Variants in PFKP observed in about 807,000 individuals in gnomAD.
PFKP encodes ATP-dependent 6-phosphofructokinase, platelet type.
A neutral mutation model predicts 94.3 loss-of-function variants in PFKP; 101 were observed. The observed-to-expected ratio is 1.07, with a 90% confidence interval of 0.91 to 1.26. The LOEUF (loss-of-function observed/expected upper bound fraction) is 1.26. Ranked by LOEUF, PFKP falls within the 50% of genes most tolerant of loss-of-function variation. PFKP has a pLI of 0.00. For synonymous variants in PFKP, 573 were observed against 432.6 expected, an observed-to-expected ratio of 1.32 and a Z score of -4.03; for missense variants, 1,145 against 1,103.3, an observed-to-expected ratio of 1.04 and a Z score of -0.53.
At chr10:3,083,385 G>GA (rs1431882675) in intron 2 of PFKP, among the ~76,000 whole-genome samples, 2 of 142,972 alleles carry the variant, frequency 1.4e-5, no homozygotes, top group Admixed American at 1.4e-4. Flanking sequence ...AAATTATTAG[G>GA]AAAAATATTT....
chr10:3,073,964 A>G (rs1047988305), intron 1 of PFKP, among the ~76,000 whole-genome samples: 6 of 152,078 alleles, frequency 3.9e-5, no homozygotes, highest in African/African-American at 1.4e-4. Context: ...CAGCCTCCCA[A>G]GTAGCTGGGA....
Position 3,136,473 on chromosome 10 carries a change from G to A in PFKP, c.2249G>A (p.Trp750Ter). ...DFEHRIPKEQ[W>*]WLKLRPLMKI... is the part of the protein sequence containing the mutation. ...AGGCACAGGATTCCCAAAGAACAGT[G>A]GTGGCTCAAGCTACGGCCCCTCATG... Residue 750 changes from tryptophan (W) to a stop codon, truncating the protein, a stop_gained, in exon 22 of 22, where the codon TGG becomes TAG. Transcript: ENST00000381125. LOFTEE classifies it low-confidence loss of function (END_TRUNC). 5 of 1,613,612 alleles carry A rather than the reference G, an allele frequency of 3.1e-6. No homozygotes were observed. The highest frequency in any genetic ancestry group is 4.2e-6 in the Non-Finnish European group (5 of 1,179,722).
At chr10:3,119,268 C>T (rs1837146445) in intron 15 of PFKP, among the ~76,000 whole-genome samples, 1 of 152,082 alleles carries the variant, frequency 6.6e-6, no homozygotes, top group African/African-American at 2.4e-5. Flanking sequence ...TTTTTCTATT[C>T]ATGAAGATTA....
At position 3,082,407 on chromosome 10, in the gene PFKP, T is replaced by A. The variant is rs1287109271; in HGVS notation, c.132T>A (p.Arg44=). The change falls in exon 2 of 22, where the codon CGT becomes CGA. Residue 44 remains arginine, a synonymous_variant. Transcript: ENST00000381125. ...CTGCAGGTATGAACGCTGCCGTCCGTGCCGTGGTGCGCATGGGTATCTACG... is the reference window on the plus strand; with the variant it reads ...CTGCAGGTATGAACGCTGCCGTCCGAGCCGTGGTGCGCATGGGTATCTACG... ...GDAQGMNAAV[R]AVVRMGIYVG... is the part of the protein sequence containing the mutation. 3 of 1,607,496 alleles carry A rather than the reference T, an allele frequency of 1.9e-6. No individual in the cohort carries two copies. Among genetic ancestry groups the A allele is most frequent in the South Asian group, 1.1e-5 (1 of 90,518 alleles).
At chr10:3,087,083 C>T (rs1267438741) in intron 2 of PFKP, among the ~76,000 whole-genome samples, 1 of 152,168 alleles carries the variant, frequency 6.6e-6, no homozygotes, top group Non-Finnish European at 1.5e-5. Flanking sequence ...AGCGATTCTC[C>T]TGCCTCAGCC....
Position 3,082,441 on chromosome 10 carries a change from A to G in PFKP, c.166A>G (p.Lys56Glu), listed in dbSNP as rs768695654. Residue 56 changes from lysine (K) to glutamate (E), a missense_variant, in exon 2 of 22, where the codon AAG (lysine) becomes GAG (glutamate). Physicochemically the swap from Lys to Glu is moderately conservative, Grantham distance 56. This residue lies in a region of PFKP where 1,119 missense variants were observed against 1,062.8 expected (regional missense o/e 1.05). Coordinates refer to ENST00000381125, the MANE Select transcript of PFKP (RefSeq NM_002627.5). ...GCGCATGGGTATCTACGTGGGGGCCAAGGTGTACTTCATCTACGAGGTCAG... is the reference window on the plus strand; with the variant it reads ...GCGCATGGGTATCTACGTGGGGGCCGAGGTGTACTTCATCTACGAGGTCAG... ...VVRMGIYVGA[K>E]VYFIYEGYQG... The G allele has an allele frequency of 1.2e-6, 2 of 1,607,564 alleles. No homozygotes were observed. The highest frequency in any genetic ancestry group is 1.7e-5 in the Admixed American group (1 of 59,692).
intron 2 of PFKP, among the ~76,000 whole-genome samples, chr10:3,084,785 A>T: frequency 9.4e-6 from 1 of 106,190 alleles, no homozygotes. Context: ...CCCCCTCCCC[A>T]GGAGAGTCCT....
intron 19 of PFKP, among the ~76,000 whole-genome samples, chr10:3,133,996 A>C (rs1439590596): frequency 2.0e-5 from 3 of 152,226 alleles, no homozygotes; most frequent in Admixed American, 2.0e-4. Context: ...ACACAGGCAC[A>C]CACGTGTTAT....
At chr10:3,082,146 T>A (rs1564270955) in intron 1 of PFKP, among the ~76,000 whole-genome samples, 1 of 152,122 alleles carries the variant, frequency 6.6e-6, no homozygotes, top group Non-Finnish European at 1.5e-5. Flanking sequence ...TACAAATTCG[T>A]ACCAAGTCCA....
At chr10:3,105,676 G>A (rs1835471809) in intron 7 of PFKP, among the ~76,000 whole-genome samples, 175 bp downstream of exon 7, 1 of 152,190 alleles carries the variant, frequency 6.6e-6, no homozygotes, top group Non-Finnish European at 1.5e-5. Flanking sequence ...CCTCTATGAA[G>A]GCTGAGACTC....
intron 21 of PFKP, 28 bp downstream of exon 21, chr10:3,135,866 T>TAAGACCCCAATGTGAGTACG (rs1343350998): frequency 2.2e-6 from 3 of 1,366,922 alleles, no homozygotes; most frequent in African/African-American, 1.4e-5. Flanking sequence ...CCTGAGGCAA[T>TAAGACCCCAATGTGAGTACG]AAGACCCCAA....
In PFKP at chr10:3,109,405, G is replaced by A. The variant is rs144789568; in HGVS notation, c.1014G>A (p.Pro338=). Residue 338 remains proline, a synonymous_variant, in exon 10 of 22, where the codon CCG becomes CCA. Transcript: ENST00000381125. Reference sequence around the variant, plus strand: ...TCATCGCCTTGCTAGAGGCCACCCCGGACACCCCAGCTTGCGTCGTGTCAC... The same window carrying A: ...TCATCGCCTTGCTAGAGGCCACCCCAGACACCCCAGCTTGCGTCGTGTCAC... ...EAVIALLEAT[P]DTPACVVSLN... 3.6e-5 allele frequency: 58 copies of A among 1,610,288 alleles called. No individual in the cohort carries two copies. The highest frequency in any genetic ancestry group is 6.7e-5 in the East Asian group (3 of 44,876).
At chr10:3,082,324 G>A (rs4881074) in intron 1 of PFKP, 64 bp from the exon 2 acceptor site, 928,023 of 1,250,306 alleles carry the variant, frequency 0.74, 348,987 homozygotes, top group Non-Finnish European at 0.78. Flanking sequence ...GTCATGGGTA[G>A]TTAGTGGCAG....
chr10:3,130,102 G>C (rs1417921117), intron 17 of PFKP, 119 bp downstream of exon 17: 1 of 897,110 alleles, frequency 1.1e-6, no homozygotes, highest in Non-Finnish European at 1.7e-6. Context: ...AGATGCTACA[G>C]AACATGCCAC....
intron 20 of PFKP, among the ~76,000 whole-genome samples, chr10:3,135,438 T>C (rs926418795): frequency 3.2e-5 from 4 of 124,688 alleles, no homozygotes; most frequent in Non-Finnish European, 7.1e-5. Context: ...GAGCATAAAT[T>C]AGTGTCCTGT....
intron 2 of PFKP, among the ~76,000 whole-genome samples, chr10:3,083,420 C>T (rs149223091): frequency 2.0e-5 from 3 of 152,268 alleles, no homozygotes; most frequent in African/African-American, 7.2e-5. Flanking sequence ...TAAAACATAG[C>T]TTTAAAAATG....
At chr10:3,100,862 C>CAAAAGAAAAAAAAA (rs754923021) in intron 3 of PFKP, 1 of 534,478 alleles carries the variant, frequency 1.9e-6, no homozygotes, top group Non-Finnish European at 3.0e-6. Context: ...GTATGTGGTG[C>CAAAAGAAAAAAAAA]AAAAAAAAAA....
Position 3,104,490 on chromosome 10 carries a change from G to A in PFKP, c.620+546G>A, listed in dbSNP as rs1008551768. The stretch of plus-strand genomic sequence containing the variant: ...TCTCCCCTTTAAGGACGAGGTGCTC[G>A]AGACTGGGAGAGTGCCCGAATCCAG... On this transcript the variant is annotated intron_variant, in intron 5 of 21. Coordinates refer to ENST00000381125, the MANE Select transcript of PFKP (RefSeq NM_002627.5). 7.9e-5 allele frequency among the ~76,000 whole-genome samples: 12 copies of A among 152,314 alleles called. No homozygotes were observed. The South Asian group carries it at 1.7e-3, about 21-fold the overall frequency.
intron 1 of PFKP, among the ~76,000 whole-genome samples, chr10:3,077,753 G>T (rs566704656): frequency 2.5e-3 from 381 of 152,264 alleles, no homozygotes; most frequent in Non-Finnish European, 3.8e-3. Context: ...AAACCGTCCT[G>T]TGACTCTCTT....
Sources: gnomAD v4.1 joint callset for allele counts (sites outside exome capture counted in the v4.1 genomes callset) on GRCh38, gnomAD v4.1.1 for gene constraint, gnomAD v4.1.1 regional missense constraint, MANE v1.5 for transcripts, NCBI Gene and HGNC (gene_info 2026-07-23, HGNC 2026-07-21) for gene names.